GSAP: variants seen among roughly 807,000 people sequenced by gnomAD.
The protein encoded by GSAP is gamma-secretase activating protein, also known as gamma-secretase-activating protein.
Under a neutral mutation model 131.7 loss-of-function variants are expected in GSAP, and 118 were observed. The observed-to-expected ratio is 0.90, with a 90% CI of 0.77 to 1.04. The LOEUF (loss-of-function observed/expected upper bound fraction) is 1.04. Among genes scored for constraint, GSAP ranks in the 50% least tolerant of loss-of-function variants. The pLI, the probability that GSAP is intolerant of heterozygous loss-of-function variation, is 0.00. For missense variants in GSAP, 1,019 were observed against 1,013.2 expected (o/e 1.01, Z -0.08); for synonymous variants, 381 against 363.4 (o/e 1.05, Z -0.55).
chr7:77,358,146 G>A (rs1331394420), intron 14 of GSAP, among the ~76,000 whole-genome samples: 1 of 152,130 alleles, frequency 6.6e-6, no homozygotes, highest in Non-Finnish European at 1.5e-5. Flanking sequence ...TTCGAGACCA[G>A]CCTGGGCAGC....
intron 1 of GSAP, among the ~76,000 whole-genome samples, chr7:77,407,176 A>G (rs1457264184): frequency 6.7e-6 from 1 of 149,306 alleles, no homozygotes; most frequent in Non-Finnish European, 1.5e-5. Flanking sequence ...AATTACACAT[A>G]AGTTTTTAAT....
At chr7:77,330,156 C>T in intron 20 of GSAP, 83 bp downstream of exon 20, 2 of 1,472,064 alleles carry the variant, frequency 1.4e-6, no homozygotes, top group Non-Finnish European at 9.1e-7. Flanking sequence ...CACATGGAAG[C>T]CAGCCTTATG....
At position 77,310,940 on chromosome 7, in the gene GSAP, T is replaced by C. The variant is rs138399089; in HGVS notation, c.*418A>G. ...ATTCAGTTTTTAAAAGGACCCTCTT[T>C]CCAAATAGTGTTCTTATGTAACATT... On this transcript the variant is annotated 3_prime_UTR_variant, in exon 31 of 31. Coordinates refer to ENST00000257626, the MANE Select transcript of GSAP (RefSeq NM_017439.4). The C allele has an allele frequency of 1.4e-3, 221 of 157,266 alleles. No individual in the cohort carries two copies. The highest frequency in any genetic ancestry group is 3.2e-3 in the Admixed American group (51 of 16,106). 9.7% of individuals were successfully genotyped at this position (157,266 alleles called of 1,614,324 possible). A position where few individuals can be genotyped will look rare whatever the true frequency, so the allele number is the denominator to read the frequency against.
Position 77,375,199 on chromosome 7 carries a change from T to C in GSAP, c.742-98A>G, listed in dbSNP as rs112884657. 1.5e-4 allele frequency: 100 copies of C among 663,978 alleles called. 1 individual carries two copies. In the African/African-American group the frequency reaches 1.6e-3, roughly 11 times the overall value. The allele number at this position is 663,978 out of a possible 1,614,324, so 41.1% of individuals were successfully genotyped here. On this transcript the variant is annotated intron_variant, in intron 10 of 30. Coordinates refer to ENST00000257626, the MANE Select transcript of GSAP (RefSeq NM_017439.4). ...CCAAGTAAACCAGAAAAATATTATG[T>C]TTGCCTAATAATGATATTTAACCAT... is the stretch of plus-strand genomic sequence containing the variant.
At chr7:77,383,022 C>CA (rs1487728069) in intron 6 of GSAP, among the ~76,000 whole-genome samples, 11 of 152,138 alleles carry the variant, frequency 7.2e-5, no homozygotes, top group Middle Eastern at 3.4e-3. Context: ...CGCATCTCTA[C>CA]AAAAAATACA....
intron 18 of GSAP, among the ~76,000 whole-genome samples, chr7:77,349,680 G>A (rs1203106952): frequency 1.3e-5 from 2 of 152,140 alleles, no homozygotes; most frequent in African/African-American, 4.8e-5. Context: ...AGAGCAAATA[G>A]GGTATTTTTA....
At chr7:77,409,902 A>C (rs1182792284) in intron 1 of GSAP, among the ~76,000 whole-genome samples, 1 of 152,178 alleles carries the variant, frequency 6.6e-6, no homozygotes, top group East Asian at 1.9e-4. Flanking sequence ...AGTGGTTCTC[A>C]ACTCTGGCTG....
chr7:77,399,859 T>C (rs1440529999), intron 3 of GSAP, among the ~76,000 whole-genome samples: 2 of 152,280 alleles, frequency 1.3e-5, no homozygotes, highest in Middle Eastern at 3.4e-3. Context: ...CAGATCCTGA[T>C]GAATGACATA....
chr7:77,397,220 C>T, intron 4 of GSAP, 126 bp downstream of exon 4: 1 of 736,204 alleles, frequency 1.4e-6, no homozygotes, highest in South Asian at 1.9e-5. Context: ...CTTAACTTCT[C>T]AAGAACATTT....
intron 5 of GSAP, among the ~76,000 whole-genome samples, chr7:77,395,887 G>GTTCC (rs1800297711): frequency 6.6e-6 from 1 of 152,242 alleles, no homozygotes; most frequent in African/African-American, 2.4e-5. Context: ...CAGATGGAAA[G>GTTCC]CACCTGGGAG....
intron 24 of GSAP, among the ~76,000 whole-genome samples, chr7:77,321,996 T>C (rs1787709232): frequency 6.6e-6 from 1 of 152,188 alleles, no homozygotes; most frequent in African/African-American, 2.4e-5. Context: ...GTAGCCTTCT[T>C]TGTCTTAGAG....
intron 1 of GSAP, among the ~76,000 whole-genome samples, chr7:77,414,085 GCTCT>G (rs1459272049): frequency 6.6e-6 from 1 of 152,170 alleles, no homozygotes; most frequent in Non-Finnish European, 1.5e-5. Context: ...ACTCAGCCCA[GCTCT>G]CTGTTTTGCC....
At position 77,321,421 on chromosome 7, in the gene GSAP, TC is replaced by T; in HGVS notation, c.1924-19del. The stretch of plus-strand genomic sequence containing the variant: ...AGATCCAGCTGGAGGGTGAAGACAG[TC>T]CATTAACCATTGCTCCATTCCTTCC... On this transcript the variant is annotated intron_variant, in intron 24 of 30. Transcript: ENST00000257626. 6.5e-7 allele frequency: 1 copy of T among 1,539,390 alleles called. No individual in the cohort carries two copies. Among genetic ancestry groups the T allele is most frequent in the South Asian group, 1.1e-5 (1 of 89,554 alleles).
intron 18 of GSAP, among the ~76,000 whole-genome samples, chr7:77,349,893 T>C (rs903329832): frequency 6.6e-6 from 1 of 152,144 alleles, no homozygotes; most frequent in African/African-American, 2.4e-5. Flanking sequence ...TACCTCATTG[T>C]CCTCTGTAAT....
At chr7:77,332,594 A>T (rs1331651716) in intron 19 of GSAP, among the ~76,000 whole-genome samples, 1 of 152,164 alleles carries the variant, frequency 6.6e-6, no homozygotes, top group Non-Finnish European at 1.5e-5. Flanking sequence ...TATAGCTTGT[A>T]CCAGATTTTC....
chr7:77,313,287 C>CCT (rs112238778), intron 28 of GSAP, among the ~76,000 whole-genome samples: 12,164 of 152,220 alleles, frequency 0.08, 583 homozygotes, highest in South Asian at 0.13. Flanking sequence ...CAGTGCAGAG[C>CCT]CAGAGAGCAA....
chr7:77,416,371 T>C, upstream of GSAP: 1 of 1,077,370 alleles, frequency 9.3e-7, no homozygotes, highest in South Asian at 1.7e-5. Flanking sequence ...CCGCGGGCAT[T>C]CCCGGCCCCG....
chr7:77,381,724 C>T (rs1030389398), intron 7 of GSAP, among the ~76,000 whole-genome samples: 3 of 152,118 alleles, frequency 2.0e-5, no homozygotes, highest in Non-Finnish European at 4.4e-5. Context: ...TTCTTCAATT[C>T]CCAAATACCA....
Position 77,311,287 on chromosome 7 carries a change from G to T in GSAP, c.*71C>A. ...GTTACCAATTTTAAATATTGTTAAA[G>T]AATTCTCAAAGGAGTAAGGTTAATG... is the stretch of plus-strand genomic sequence containing the variant. On this transcript the variant is annotated 3_prime_UTR_variant, in exon 31 of 31. Coordinates refer to ENST00000257626, the MANE Select transcript of GSAP (RefSeq NM_017439.4). 2.2e-6 allele frequency: 2 copies of T among 895,796 alleles called. No homozygotes were observed. The highest frequency in any genetic ancestry group is 1.8e-6 in the Non-Finnish European group (1 of 543,018). The allele number at this position is 895,796 out of a possible 1,614,324, so 55.5% of individuals were successfully genotyped here. A position where few individuals can be genotyped will look rare whatever the true frequency, so the allele number is the denominator to read the frequency against.
Sources: allele counts gnomAD v4.1 joint callset (sites outside exome capture counted in the v4.1 genomes callset), GRCh38; gene constraint gnomAD v4.1.1; transcripts MANE v1.5; gene names NCBI Gene and HGNC (gene_info 2026-07-23, HGNC 2026-07-21).